Variants in ARHGAP32 observed in about 807,000 individuals in gnomAD.
ARHGAP32 encodes rho GTPase-activating protein 32.
Under a neutral mutation model 186.5 loss-of-function variants are expected in ARHGAP32, and 51 were observed. The observed-to-expected ratio is 0.27, with a 90% CI of 0.22 to 0.35. The LOEUF is 0.35. ARHGAP32 is among the 10% of genes least tolerant of loss of function. ARHGAP32 has a pLI of 1.00. For missense variants in ARHGAP32, 2,186 were observed against 2,623.5 expected, an observed-to-expected ratio of 0.83 and a Z score of 3.64; for synonymous variants, 950 against 964.3, an observed-to-expected ratio of 0.99 and a Z score of 0.27.
chr11:129,177,114 G>A (rs200439695), intron 1 of ARHGAP32, among the ~76,000 whole-genome samples: 42,286 of 150,110 alleles, frequency 0.28, 6,197 homozygotes, highest in Middle Eastern at 0.4. Context: ...TATCACCACC[G>A]ATCCCACAGA....
intron 1 of ARHGAP32, among the ~76,000 whole-genome samples, chr11:129,260,144 GCATTACA>G (rs1324609258): frequency 1.3e-5 from 2 of 152,164 alleles, no homozygotes; most frequent in Non-Finnish European, 2.9e-5. Context: ...ACCGGCATGA[GCATTACA>G]CAACTGAAGA....
upstream of ARHGAP32, among the ~76,000 whole-genome samples, chr11:129,193,548 TAATATATATATATTA>T: frequency 2.2e-5 from 1 of 46,460 alleles, no homozygotes; most frequent in South Asian, 4.7e-4. Context: ...ATATTATATA[TAATATATATATATTA>T]TATATAATAT....
chr11:129,053,105 TAA>T (rs1482360226), intron 10 of ARHGAP32, among the ~76,000 whole-genome samples: 2 of 151,984 alleles, frequency 1.3e-5, no homozygotes, highest in South Asian at 4.2e-4. Flanking sequence ...TAAAAACAAA[TAA>T]AGTGTTCTTT....
intron 1 of ARHGAP32, among the ~76,000 whole-genome samples, chr11:129,270,330 G>A (rs541533634): frequency 6.6e-6 from 1 of 152,250 alleles, no homozygotes; most frequent in East Asian, 1.9e-4. Context: ...TATGGAAACA[G>A]TAAAAAGGCT....
intron 2 of ARHGAP32, among the ~76,000 whole-genome samples, chr11:129,156,616 G>C (rs940604640): frequency 1.3e-5 from 2 of 152,320 alleles, no homozygotes; most frequent in African/African-American, 2.4e-5. Flanking sequence ...CCCTGGGACA[G>C]AGTACCTGTG....
Position 128,998,307 on chromosome 11 carries a change from T to C in ARHGAP32, c.1195+12A>G, listed in dbSNP as rs1353270821. ...GAAACTCAGAGTATAAGCTTGCACA[T>C]TTTATTTTTACCTTCAAAACCAGAA... On this transcript the variant is annotated intron_variant, in intron 12 of 22. Coordinates refer to ENST00000682385, the MANE Select transcript of ARHGAP32 (RefSeq NM_001378024.1). 8 of 1,556,404 alleles carry C rather than the reference T, an allele frequency of 5.1e-6. No individual in the cohort carries two copies. Among genetic ancestry groups the C allele is most frequent in the Non-Finnish European group, 7.0e-6 (8 of 1,148,192 alleles).
At chr11:129,054,122 C>T (rs1267487435) in intron 10 of ARHGAP32, among the ~76,000 whole-genome samples, 1 of 151,062 alleles carries the variant, frequency 6.6e-6, no homozygotes, top group East Asian at 1.9e-4. Context: ...TGCACGAAAA[C>T]TCACAATATT....
intron 1 of ARHGAP32, among the ~76,000 whole-genome samples, chr11:129,172,509 T>C (rs1262481584): frequency 1.3e-5 from 2 of 152,222 alleles, no homozygotes; most frequent in Non-Finnish European, 2.9e-5. Context: ...CAGTGCCACA[T>C]GGCACTTATT....
intron 10 of ARHGAP32, among the ~76,000 whole-genome samples, chr11:129,047,826 T>C (rs756191764): frequency 6.6e-5 from 10 of 152,162 alleles, no homozygotes; most frequent in African/African-American, 1.9e-4. Flanking sequence ...ATGAGTCAAT[T>C]AGTTTGTCTG....
At chr11:129,126,179 CA>C in intron 2 of ARHGAP32, 1 of 213,620 alleles carries the variant, frequency 4.7e-6, no homozygotes, top group Non-Finnish European at 9.5e-6. Context: ...AAAGCGTTGA[CA>C]AACTTCTTAA....
At chr11:129,229,968 C>T (rs371681099) in intron 1 of ARHGAP32, among the ~76,000 whole-genome samples, 2 of 152,002 alleles carry the variant, frequency 1.3e-5, no homozygotes, top group Non-Finnish European at 1.5e-5. Context: ...AGGCATGCCA[C>T]CACACCTGGC....
chr11:129,149,876 T>C (rs963510120), intron 2 of ARHGAP32, among the ~76,000 whole-genome samples: 1 of 151,438 alleles, frequency 6.6e-6, no homozygotes, highest in East Asian at 1.9e-4. Flanking sequence ...TGAAAACCAA[T>C]GTAAAGAAAT....
chr11:129,124,986 G>T, intron 2 of ARHGAP32, 92 bp from the exon 3 acceptor site: 1 of 818,494 alleles, frequency 1.2e-6, no homozygotes, highest in Non-Finnish European at 1.9e-6. Flanking sequence ...TAGTTCTGCT[G>T]ACTTTTTACC....
chr11:129,225,221 G>A (rs983773888), intron 1 of ARHGAP32, among the ~76,000 whole-genome samples: 12 of 152,166 alleles, frequency 7.9e-5, no homozygotes, highest in Admixed American at 6.6e-4. Context: ...AAAAAACTGA[G>A]AAGTAAGATG....
intron 12 of ARHGAP32, among the ~76,000 whole-genome samples, chr11:128,998,051 G>A (rs934418740): frequency 4.6e-5 from 7 of 152,130 alleles, no homozygotes; most frequent in African/African-American, 1.7e-4. Context: ...TAGAAACTCA[G>A]GCAAAATAAC....
At chr11:129,214,933 G>A (rs533464147) in intron 1 of ARHGAP32, among the ~76,000 whole-genome samples, 1 of 152,140 alleles carries the variant, frequency 6.6e-6, no homozygotes, top group African/African-American at 2.4e-5. Context: ...AAACTTTATT[G>A]ACCAAAACAA....
intron 5 of ARHGAP32, among the ~76,000 whole-genome samples, chr11:129,101,229 CCTAAAAGACTGTA>C (rs1268122582): frequency 6.6e-6 from 1 of 152,122 alleles, no homozygotes; most frequent in Non-Finnish European, 1.5e-5. Context: ...AGGCCAGCAA[CCTAAAAGACTGTA>C]CATAAGCCCA....
chr11:129,142,271 G>T (rs1460853794), intron 2 of ARHGAP32, among the ~76,000 whole-genome samples: 1 of 152,090 alleles, frequency 6.6e-6, no homozygotes, highest in Non-Finnish European at 1.5e-5. Flanking sequence ...AAGCCTGCTG[G>T]CAAAGGAGCC....
In ARHGAP32 at chr11:128,969,031, G is replaced by A. The variant is rs138083488; in HGVS notation, c.6182C>T (p.Thr2061Met). The change falls in exon 23 of 23, where the codon ACG becomes ATG. Residue 2061 changes from threonine (T) to methionine (M), a missense_variant. Coordinates refer to ENST00000682385, the MANE Select transcript of ARHGAP32 (RefSeq NM_001378024.1). The surrounding 1 kb of genome is among the most constrained non-coding windows in gnomAD (Gnocchi z 4.8). ...RGVFGGGGMG[T>M]YVPPGFPHPQ... ...ATGGGGAAAGCCAGGGGGCACATAC[G>A]TCCCCATGCCGCCCCCTCCAAAGAC... 29 of 1,611,856 alleles carry A rather than the reference G, an allele frequency of 1.8e-5. No homozygotes were observed. Among genetic ancestry groups the A allele is most frequent in the African/African-American group, 4.0e-5 (3 of 74,868 alleles).
Sources: gnomAD v4.1 joint callset for allele counts (sites outside exome capture counted in the v4.1 genomes callset) on GRCh38, gnomAD v4.1.1 for gene constraint, Gnocchi (gnomAD v3.1) non-coding constraint, MANE v1.5 for transcripts, NCBI Gene and HGNC (gene_info 2026-07-23, HGNC 2026-07-21) for gene names.